Variants in BCL2 observed in about 807,000 individuals in gnomAD.
The protein encoded by BCL2 is apoptosis regulator Bcl-2.
In BCL2, 1 loss-of-function variant was observed where a neutral mutation model predicts 14.2. The observed-to-expected ratio is 0.07, with a 90% CI of 0.02 to 0.33. The LOEUF (loss-of-function observed/expected upper bound fraction) is 0.33. Among genes scored for constraint, BCL2 ranks in the 10% least tolerant of loss-of-function variants. BCL2 has a pLI of 0.99. For synonymous variants in BCL2, 151 were observed against 137.2 expected, an observed-to-expected ratio of 1.10 and a Z score of -0.70; for missense variants, 247 against 305.9, an observed-to-expected ratio of 0.81 and a Z score of 1.44.
rs2144584541 is a variant in BCL2, at chr18:63,128,823, C to T, written c.586-64G>A. The stretch of plus-strand genomic sequence containing the variant: ...ATTAGAGAGAGAGCAGAGAATGCCA[C>T]CCCACAGAGAAAGAGGCATCCTGCC... On this transcript the variant is annotated intron_variant, in intron 2 of 2. Coordinates refer to ENST00000333681, the MANE Select transcript of BCL2 (RefSeq NM_000633.3). 4 of 699,430 alleles carry T rather than the reference C, an allele frequency of 5.7e-6. No individual in the cohort carries two copies. In the East Asian group the frequency reaches 7.9e-5, roughly 14 times the overall value. 43.3% of individuals were successfully genotyped at this position (699,430 alleles called of 1,614,324 possible).
intron 2 of BCL2, among the ~76,000 whole-genome samples, chr18:63,168,398 G>A (rs1033187055): frequency 1.3e-5 from 2 of 152,118 alleles, no homozygotes; most frequent in East Asian, 1.9e-4. Flanking sequence ...AGTCCCCTTG[G>A]ACCACCAGCA....
At chr18:63,238,041 T>C (rs1332792457) in intron 2 of BCL2, among the ~76,000 whole-genome samples, 1 of 151,994 alleles carries the variant, frequency 6.6e-6, no homozygotes, top group African/African-American at 2.4e-5. Flanking sequence ...TGAGGCCCAG[T>C]AGAGGATGCA....
intron 2 of BCL2, among the ~76,000 whole-genome samples, chr18:63,281,666 CAGAAAGAAAGAAAGAAAG>C (rs1912312728): frequency 1.1e-5 from 1 of 88,280 alleles, no homozygotes; most frequent in Non-Finnish European, 2.2e-5. Flanking sequence ...GACCTTGTCT[CAGAAAGAAAGAAAGAAAG>C]AAAGAAAGAA....
chr18:63,298,325 C>T (rs1257035296), intron 2 of BCL2, among the ~76,000 whole-genome samples: 1 of 152,236 alleles, frequency 6.6e-6, no homozygotes, highest in Non-Finnish European at 1.5e-5. Context: ...AGCTCAGATT[C>T]TGGCCCATGG....
chr18:63,196,499 G>A (rs1909448609), intron 2 of BCL2, among the ~76,000 whole-genome samples: 2 of 152,078 alleles, frequency 1.3e-5, no homozygotes, highest in African/African-American at 2.4e-5. Context: ...ATTAGAGATT[G>A]AGCGACTCAT....
chr18:63,214,917 C>A (rs1208107876), intron 2 of BCL2, among the ~76,000 whole-genome samples: 2 of 152,060 alleles, frequency 1.3e-5, no homozygotes, highest in African/African-American at 2.4e-5. Flanking sequence ...CCATGTTGGC[C>A]AGGCTGGTCT....
chr18:63,156,145 G>A (rs1412195820), intron 2 of BCL2, among the ~76,000 whole-genome samples: 1 of 151,706 alleles, frequency 6.6e-6, no homozygotes, highest in African/African-American at 2.4e-5. Context: ...GGGGAGGGGG[G>A]TGTTCAAAGA....
At chr18:63,293,960 C>CTT (rs397698226) in intron 2 of BCL2, among the ~76,000 whole-genome samples, 1,686 of 147,878 alleles carry the variant, frequency 0.011, 15 homozygotes, top group Non-Finnish European at 0.019. Flanking sequence ...CTTTTTTTCT[C>CTT]TTTTTTTTTT....
At chr18:63,166,118 G>C (rs554734868) in intron 2 of BCL2, among the ~76,000 whole-genome samples, 1 of 152,322 alleles carries the variant, frequency 6.6e-6, no homozygotes, top group Admixed American at 6.5e-5. Context: ...CTCGGAGGGG[G>C]ACTGTGGGCT....
chr18:63,310,699 A>G (rs1312946411), intron 2 of BCL2, among the ~76,000 whole-genome samples: 4 of 152,194 alleles, frequency 2.6e-5, no homozygotes, highest in Non-Finnish European at 4.4e-5. Context: ...GTTTTCCTAA[A>G]TAACCAGATT....
At chr18:63,151,518 C>T (rs964836175) in intron 2 of BCL2, among the ~76,000 whole-genome samples, 7 of 58,248 alleles carry the variant, frequency 1.2e-4, no homozygotes, top group East Asian at 1.1e-3. Context: ...GGGCTGGGGG[C>T]GAGGGGAGGG....
Position 63,242,345 on chromosome 18 carries a change from A to G in BCL2, c.585+75737T>C, listed in dbSNP as rs150562847. 6.4e-4 allele frequency among the ~76,000 whole-genome samples: 98 copies of G among 152,358 alleles called. No individual in the cohort carries two copies. The East Asian group carries it at 0.018, about 28-fold the overall frequency. ...ATGTCACTTGATGTCCTAATTTTCAATGCAGGGCTGGGAAGCACACATTAT... is the reference window on the plus strand; with the variant it reads ...ATGTCACTTGATGTCCTAATTTTCAGTGCAGGGCTGGGAAGCACACATTAT... On this transcript the variant is annotated intron_variant, in intron 2 of 2. Transcript: ENST00000333681.
At chr18:63,191,177 C>A (rs1040519228) in intron 2 of BCL2, among the ~76,000 whole-genome samples, 3 of 152,170 alleles carry the variant, frequency 2.0e-5, no homozygotes, top group Admixed American at 6.5e-5. Flanking sequence ...GTGCATGTAT[C>A]TTTATAACAG....
intron 2 of BCL2, among the ~76,000 whole-genome samples, chr18:63,162,821 CTCCT>C (rs1211070013): frequency 5.3e-5 from 8 of 151,816 alleles, no homozygotes; most frequent in African/African-American, 1.5e-4. Flanking sequence ...CTTTCCTTCC[CTCCT>C]TCCTTCCTTC....
intron 2 of BCL2, among the ~76,000 whole-genome samples, chr18:63,251,418 C>G (rs558706333): frequency 6.6e-6 from 1 of 151,988 alleles, no homozygotes; most frequent in South Asian, 2.1e-4. Context: ...CCGAGGCAGG[C>G]GGATCACCAG....
At chr18:63,282,403 A>C (rs1187133870) in intron 2 of BCL2, among the ~76,000 whole-genome samples, 3 of 152,210 alleles carry the variant, frequency 2.0e-5, no homozygotes, top group Admixed American at 6.5e-5. Context: ...AAGTTTCAAA[A>C]TACTTGCCTG....
chr18:63,193,433 T>C (rs935029681), intron 2 of BCL2, among the ~76,000 whole-genome samples: 1 of 152,222 alleles, frequency 6.6e-6, no homozygotes, highest in South Asian at 2.1e-4. Flanking sequence ...GTTCTCGGCT[T>C]CTGTGAATTT....
Position 63,128,256 on chromosome 18 carries a change from G to C in BCL2, c.*369C>G, listed in dbSNP as rs907237583. 9.7e-5 allele frequency: 23 copies of C among 237,700 alleles called. No homozygotes were observed. 14.7% of individuals were successfully genotyped at this position (237,700 alleles called of 1,614,324 possible). On this transcript the variant is annotated 3_prime_UTR_variant, in exon 3 of 3. Transcript: ENST00000333681. ...TGATCCGGCCAACAACATGGAAAGC[G>C]AATCTATGTTTACAGGCACAGAACA... is the stretch of plus-strand genomic sequence containing the variant.
intron 2 of BCL2, chr18:63,151,045 T>C (rs1914640130): frequency 6.6e-6 from 1 of 152,144 alleles, no homozygotes; most frequent in East Asian, 1.9e-4. Flanking sequence ...TCCTCTTCTA[T>C]AATGCAATCA....
Sources: allele counts gnomAD v4.1 joint callset (sites outside exome capture counted in the v4.1 genomes callset), GRCh38; gene constraint gnomAD v4.1.1; transcripts MANE v1.5; gene names NCBI Gene and HGNC (gene_info 2026-07-23, HGNC 2026-07-21).